The following TPRG1 variants were observed in gnomAD, a reference collection of about 807,000 sequenced individuals.
TPRG1 encodes tumor protein p63-regulated gene 1 protein.
In TPRG1, 29 loss-of-function variants were observed where a neutral mutation model predicts 29.3. The observed-to-expected ratio is 0.99, with a 90% CI of 0.74 to 1.35. The LOEUF is 1.35. Among genes scored for constraint, TPRG1 ranks in the 40% most tolerant of loss-of-function variants. The pLI, the probability that TPRG1 is intolerant of heterozygous loss-of-function variation, is 0.00. For synonymous variants in TPRG1, 130 were observed against 116.8 expected, an observed-to-expected ratio of 1.11 and a Z score of -0.73; for missense variants, 327 against 335.0, an observed-to-expected ratio of 0.98 and a Z score of 0.19.
intron 4 of TPRG1, among the ~76,000 whole-genome samples, chr3:189,078,091 CTCTT>C (rs67070787): frequency 0.16 from 13,556 of 84,698 alleles, 1,601 homozygotes; most frequent in Non-Finnish European, 0.22. Context: ...CTCTCTTTCT[CTCTT>C]TCTTTCTTTC....
intron 2 of TPRG1, among the ~76,000 whole-genome samples, chr3:189,131,009 G>T (rs989974773): frequency 6.6e-6 from 1 of 152,236 alleles, no homozygotes; most frequent in South Asian, 2.1e-4. Context: ...ACCTCTGGCC[G>T]GTAAAATACC....
intron 4 of TPRG1, 60 bp from the exon 5 acceptor site, chr3:189,310,326 C>T: frequency 8.0e-7 from 1 of 1,253,768 alleles, no homozygotes. Flanking sequence ...GTATTACATT[C>T]TATTTTTTTT....
chr3:189,286,339 A>G (rs965548370), intron 4 of TPRG1, among the ~76,000 whole-genome samples: 1 of 151,934 alleles, frequency 6.6e-6, no homozygotes, highest in Non-Finnish European at 1.5e-5. Context: ...CATAGTATAT[A>G]TTTGTTCACT....
At chr3:189,190,987 G>A (rs1731606660) in intron 1 of TPRG1, 1 of 984,810 alleles carries the variant, frequency 1.0e-6, no homozygotes, top group African/African-American at 1.7e-5. Flanking sequence ...AATATCACAG[G>A]TAGGTCTTTT....
chr3:189,181,289 G>A (rs1730185628), intron 1 of TPRG1, among the ~76,000 whole-genome samples: 1 of 152,172 alleles, frequency 6.6e-6, no homozygotes. Context: ...CCAAATTTCT[G>A]CAGCCAGCTT....
chr3:189,237,630 A>G (rs1463848626), intron 3 of TPRG1, among the ~76,000 whole-genome samples: 1 of 152,194 alleles, frequency 6.6e-6, no homozygotes. Flanking sequence ...AGGCCGGATT[A>G]TACAGGCGTG....
intron 1 of TPRG1, among the ~76,000 whole-genome samples, chr3:189,111,311 A>G (rs1482600062): frequency 6.6e-6 from 1 of 152,080 alleles, no homozygotes. Flanking sequence ...AGATTTGTAC[A>G]TAAATATTTC....
chr3:189,031,329 C>T (rs849000), intron 4 of TPRG1, among the ~76,000 whole-genome samples: 130,834 of 151,816 alleles, frequency 0.86, 58,419 homozygotes, highest in Non-Finnish European at 0.97. Context: ...CACTGAAAAC[C>T]GTGTAAGGTT....
At chr3:189,133,048 C>A (rs1411531040) in intron 3 of TPRG1, among the ~76,000 whole-genome samples, 2 of 152,100 alleles carry the variant, frequency 1.3e-5, no homozygotes, top group Non-Finnish European at 2.9e-5. Flanking sequence ...GCAAGGAAAA[C>A]AGAGGTGGGT....
At chr3:189,066,066 A>T (rs1160424518) in intron 4 of TPRG1, among the ~76,000 whole-genome samples, 1 of 152,172 alleles carries the variant, frequency 6.6e-6, no homozygotes, top group Non-Finnish European at 1.5e-5. Flanking sequence ...ATAAATTGGA[A>T]ACCTAGAAGT....
chr3:189,201,643 ATTG>A (rs1169677924), intron 1 of TPRG1, among the ~76,000 whole-genome samples: 8 of 151,900 alleles, frequency 5.3e-5, no homozygotes, highest in Non-Finnish European at 1.2e-4. Flanking sequence ...TTATACTCAA[ATTG>A]TTGTTTTTTT....
intron 1 of TPRG1, among the ~76,000 whole-genome samples, chr3:189,111,251 T>A (rs1720487221): frequency 6.6e-6 from 1 of 152,076 alleles, no homozygotes; most frequent in Admixed American, 6.6e-5. Context: ...TTGATTTCTT[T>A]TGTCAGTATT....
At chr3:189,062,515 T>C (rs1716184822) in intron 4 of TPRG1, among the ~76,000 whole-genome samples, 1 of 152,074 alleles carries the variant, frequency 6.6e-6, no homozygotes, top group South Asian at 2.1e-4. Context: ...AGCAGAAATA[T>C]GAGTACATAC....
intron 4 of TPRG1, among the ~76,000 whole-genome samples, chr3:189,259,358 C>T (rs1038549874): frequency 4.6e-5 from 7 of 151,452 alleles, no homozygotes; most frequent in Admixed American, 3.3e-4. Flanking sequence ...ATGAGATGAA[C>T]TGGGTACCTC....
intron 1 of TPRG1, among the ~76,000 whole-genome samples, chr3:188,999,849 A>G (rs1200871166): frequency 6.6e-6 from 1 of 152,156 alleles, no homozygotes; most frequent in Non-Finnish European, 1.5e-5. Flanking sequence ...ATACATATAT[A>G]CGTACATACT....
chr3:189,183,826 A>G (rs976023650), intron 1 of TPRG1, among the ~76,000 whole-genome samples: 41 of 151,648 alleles, frequency 2.7e-4, no homozygotes, highest in African/African-American at 8.7e-4. Context: ...CATGCTCTAC[A>G]ATTTGTGCAG....
At chr3:189,243,734 C>A (rs1300800351) in intron 4 of TPRG1, among the ~76,000 whole-genome samples, 1 of 152,226 alleles carries the variant, frequency 6.6e-6, no homozygotes, top group Non-Finnish European at 1.5e-5. Flanking sequence ...AATCCTAAAT[C>A]ATCACTCTCA....
intron 3 of TPRG1, among the ~76,000 whole-genome samples, chr3:189,005,311 T>A (rs999595951): frequency 6.6e-6 from 1 of 152,154 alleles, no homozygotes; most frequent in Non-Finnish European, 1.5e-5. Flanking sequence ...AAGTGGGGAC[T>A]CAGTATATCT....
intron 4 of TPRG1, among the ~76,000 whole-genome samples, chr3:189,057,849 T>C (rs1715827418): frequency 9.0e-6 from 1 of 111,452 alleles, no homozygotes; most frequent in Admixed American, 8.4e-5. Context: ...TATGTGTGTA[T>C]ATATATACAC....
Sources: allele counts gnomAD v4.1 joint callset (sites outside exome capture counted in the v4.1 genomes callset), GRCh38; gene constraint gnomAD v4.1.1; transcripts MANE v1.5; gene names NCBI Gene and HGNC (gene_info 2026-07-23, HGNC 2026-07-21).